Variants in HYDIN observed in about 807,000 individuals in gnomAD.
HYDIN encodes HYDIN axonemal central pair apparatus protein.
HYDIN carries 132 observed loss-of-function variants against 403.9 expected under a neutral mutation model. The observed-to-expected ratio is 0.33, with a 90% CI of 0.28 to 0.38. The LOEUF is 0.38. HYDIN is among the 10% of genes least tolerant of loss of function. The pLI, the probability that HYDIN is intolerant of heterozygous loss-of-function variation, is 1.00. For synonymous variants in HYDIN, 1,202 were observed against 1,891.7 expected (o/e 0.64, Z 9.46); for missense variants, 2,827 against 5,009.5 (o/e 0.56, Z 13.15).
At chr16:70,927,241 C>T (rs1336645629) in intron 45 of HYDIN, among the ~76,000 whole-genome samples, 1 of 133,520 alleles carries the variant, frequency 7.5e-6, no homozygotes, top group Non-Finnish European at 1.6e-5. Context: ...CAAAGAGAAA[C>T]ATCTTAAAGG....
At chr16:71,124,638 A>G (rs1228511501) in intron 9 of HYDIN, among the ~76,000 whole-genome samples, 2 of 151,902 alleles carry the variant, frequency 1.3e-5, no homozygotes, top group Non-Finnish European at 2.9e-5. Flanking sequence ...CCAGACCTTG[A>G]GGTAATAGTT....
At chr16:71,171,413 G>T (rs911223029) in intron 5 of HYDIN, among the ~76,000 whole-genome samples, 1 of 152,126 alleles carries the variant, frequency 6.6e-6, no homozygotes, top group Admixed American at 6.5e-5. Context: ...TTGTTTGTTT[G>T]TTTATTCATT....
At chr16:71,158,744 T>C (rs1307216445) in intron 6 of HYDIN, among the ~76,000 whole-genome samples, 1 of 149,886 alleles carries the variant, frequency 6.7e-6, no homozygotes, top group Non-Finnish European at 1.5e-5. Context: ...TGCAGTGGCA[T>C]GATCATGGCT....
At chr16:70,852,649 A>C (rs1247030670) in intron 73 of HYDIN, 2 of 150,906 alleles carry the variant, frequency 1.3e-5, no homozygotes, top group African/African-American at 4.9e-5. Flanking sequence ...AAGAGACATG[A>C]AGAGACATTT....
At chr16:71,155,708 A>ATCTC (rs1464364559) in intron 6 of HYDIN, among the ~76,000 whole-genome samples, 1 of 39,836 alleles carries the variant, frequency 2.5e-5, no homozygotes, top group African/African-American at 8.9e-5. Flanking sequence ...ATCACGAGTC[A>ATCTC]TCTTTGTGTC....
intron 3 of HYDIN, among the ~76,000 whole-genome samples, chr16:71,179,737 C>G (rs1180246020): frequency 6.6e-6 from 1 of 152,202 alleles, no homozygotes; most frequent in African/African-American, 2.4e-5. Flanking sequence ...TAACCAACCA[C>G]TGAGAAGCCA....
At chr16:71,158,013 C>T (rs1454476019) in intron 6 of HYDIN, among the ~76,000 whole-genome samples, 2 of 150,028 alleles carry the variant, frequency 1.3e-5, no homozygotes, top group East Asian at 3.9e-4. Flanking sequence ...AGGCTTCTTC[C>T]TTCTTCCTAC....
intron 10 of HYDIN, among the ~76,000 whole-genome samples, chr16:71,114,402 G>A (rs958679361): frequency 2.0e-5 from 3 of 150,916 alleles, no homozygotes; most frequent in Non-Finnish European, 4.4e-5. Context: ...ATTTCGACAT[G>A]TGCCTATCAT....
chr16:70,912,808 GC>G (rs1435788354), intron 47 of HYDIN, among the ~76,000 whole-genome samples: 16 of 142,422 alleles, frequency 1.1e-4, no homozygotes, highest in African/African-American at 4.2e-4. Flanking sequence ...CAATCTCACT[GC>G]TTGTTACTGG....
At chr16:70,885,389 G>T (rs1242254195) in intron 58 of HYDIN, among the ~76,000 whole-genome samples, 1 of 145,716 alleles carries the variant, frequency 6.9e-6, no homozygotes, top group African/African-American at 2.6e-5. Flanking sequence ...GAGATGTCCT[G>T]GGCACTGGTG....
At position 70,955,415 on chromosome 16, in the gene HYDIN, C is replaced by T. The variant is rs773673817; in HGVS notation, c.6276G>A (p.Arg2092=). The T allele has an allele frequency of 6.2e-6, 10 of 1,613,914 alleles. No individual in the cohort carries two copies. The Admixed American group carries it at 1.7e-4, about 27-fold the overall frequency. The change falls in exon 40 of 86, where the codon AGG becomes AGA. Residue 2092 remains arginine, a synonymous_variant. Transcript: ENST00000393567. ...CCTTCACGGACTGCTCTATGGCAGC[C>T]CTGATGCAGAGCTCACGGGCCCGGA... is the stretch of plus-strand genomic sequence containing the variant. ...PGIRARELCI[R]AAIEQSVKEG...
At chr16:70,921,308 T>C (rs2076988215) in intron 45 of HYDIN, 91 bp from the exon 46 acceptor site, 1 of 1,478,434 alleles carries the variant, frequency 6.8e-7, no homozygotes, top group East Asian at 2.3e-5. Context: ...TTTTGTCTCA[T>C]GAGAAGGTCT....
chr16:71,077,278 C>T (rs1482750253), intron 13 of HYDIN, among the ~76,000 whole-genome samples: 2 of 151,704 alleles, frequency 1.3e-5, no homozygotes, highest in Non-Finnish European at 2.9e-5. Context: ...AATTTATTGG[C>T]TCTTTCTGTG....
intron 28 of HYDIN, among the ~76,000 whole-genome samples, chr16:70,984,296 G>T (rs1218036320): frequency 1.3e-5 from 2 of 151,776 alleles, no homozygotes; most frequent in African/African-American, 2.4e-5. Context: ...GGAGGCTAAG[G>T]TGGGAGGATT....
chr16:71,161,027 T>C (rs2085978230), intron 6 of HYDIN, among the ~76,000 whole-genome samples: 1 of 92,904 alleles, frequency 1.1e-5, no homozygotes, highest in Non-Finnish European at 2.1e-5. Flanking sequence ...TTACATTTAT[T>C]GCACACATTA....
intron 38 of HYDIN, 55 bp downstream of exon 38, chr16:70,961,904 C>T: frequency 1.0e-6 from 1 of 998,888 alleles, no homozygotes; most frequent in East Asian, 2.9e-5. Context: ...TGAATATTGT[C>T]TTCCTATTTC....
chr16:71,133,414 C>T (rs1705094022), intron 8 of HYDIN: 3 of 372,328 alleles, frequency 8.1e-6, no homozygotes, highest in South Asian at 6.2e-5. Flanking sequence ...TGTATAAACC[C>T]TAGGGAAGGA....
chr16:70,837,684 T>C lies in HYDIN; in HGVS notation c.13242+6A>G, dbSNP rs754685877. On this transcript the variant is annotated splice_donor_region_variant and intron_variant, in intron 77 of 85. Coordinates refer to ENST00000393567, the MANE Select transcript of HYDIN (RefSeq NM_001270974.2). The stretch of plus-strand genomic sequence containing the variant: ...CACGCCTGAAGGCCTCCCGACTGTC[T>C]GTTACCTTCATTTTGGTACCCTTCC... The C allele has an allele frequency of 9.9e-6, 16 of 1,613,776 alleles. No homozygotes were observed. Among genetic ancestry groups the C allele is most frequent in the Non-Finnish European group, 1.4e-5 (16 of 1,179,834 alleles).
chr16:71,209,223 T>C (rs535587366), intron 1 of HYDIN, among the ~76,000 whole-genome samples: 1 of 150,400 alleles, frequency 6.6e-6, no homozygotes, highest in East Asian at 1.9e-4. Flanking sequence ...ATCCCCATGA[T>C]GCAAGGTTGG....
Sources: allele counts gnomAD v4.1 joint callset (sites outside exome capture counted in the v4.1 genomes callset), GRCh38; gene constraint gnomAD v4.1.1; transcripts MANE v1.5; gene names NCBI Gene and HGNC (gene_info 2026-07-23, HGNC 2026-07-21).